NHS: variants seen among roughly 807,000 people sequenced by gnomAD.
NHS encodes the protein NHS actin remodeling regulator, also known as actin remodeling regulator NHS.
Under a neutral mutation model 72.5 loss-of-function variants are expected in NHS, and 5 were observed. The observed-to-expected ratio is 0.07, with a 90% CI of 0.04 to 0.14. The LOEUF is 0.14. Ranked by LOEUF, NHS falls within the 10% of genes least tolerant of loss-of-function variation. The pLI, the probability that NHS is intolerant of heterozygous loss-of-function variation, is 1.00. For synonymous variants in NHS, 464 were observed against 547.7 expected, an observed-to-expected ratio of 0.85 and a Z score of 2.13; for missense variants, 1,072 against 1,355.7, an observed-to-expected ratio of 0.79 and a Z score of 3.29.
chrX:17,622,636 G>A (rs940337990), intron 1 of NHS, among the ~76,000 whole-genome samples: 14 of 112,115 alleles, frequency 1.2e-4, no homozygotes, highest in Non-Finnish European at 1.1e-4. Context: ...GATAGCCTCC[G>A]GGCTGTTGGG....
At chrX:17,622,216 C>A (rs2065777541) in intron 1 of NHS, among the ~76,000 whole-genome samples, 1 of 112,119 alleles carries the variant, frequency 8.9e-6, no homozygotes, top group Non-Finnish European at 1.9e-5. Context: ...AACCCCCTTG[C>A]TTTTCAAATT....
intron 1 of NHS, among the ~76,000 whole-genome samples, chrX:17,638,739 T>C (rs929322587): frequency 7.1e-5 from 8 of 112,463 alleles, no homozygotes; most frequent in African/African-American, 2.6e-4. Context: ...CTTAGCATGG[T>C]GCACCTAGTA....
At chrX:17,591,013 G>A (rs189989223) in intron 1 of NHS, among the ~76,000 whole-genome samples, 52 of 112,166 alleles carry the variant, frequency 4.6e-4, no homozygotes, top group African/African-American at 1.6e-3. Flanking sequence ...TGAGTACTGT[G>A]TTCCATATAG....
Position 17,375,693 on chromosome X carries a change from C to T in NHS, c.-65C>T. ...TGCCCCCTCCCTGCTCAGGTGGGCG[C>T]GCCCGGTCTCCAGCTCACAGGGGCG... On this transcript the variant is annotated 5_prime_UTR_variant, in exon 1 of 9. Transcript: ENST00000676302. 1 of 1,123,321 alleles carries T rather than the reference C, an allele frequency of 8.9e-7. No individual in the cohort carries two copies. The highest frequency in any genetic ancestry group is 1.2e-6 in the Non-Finnish European group (1 of 845,841). 92.6% of individuals were successfully genotyped at this position (1,123,321 alleles called of 1,213,427 possible). A position where few individuals can be genotyped will look rare whatever the true frequency, so the allele number is the denominator to read the frequency against.
chrX:17,423,244 C>T (rs2146867823), intron 1 of NHS, among the ~76,000 whole-genome samples: 1 of 112,238 alleles, frequency 8.9e-6, no homozygotes, highest in Admixed American at 9.4e-5. Context: ...TTGTTTAGAA[C>T]CTGCCTTGGT....
At chrX:17,465,475 T>G (rs977057048) in intron 1 of NHS, among the ~76,000 whole-genome samples, 1 of 111,154 alleles carries the variant, frequency 9.0e-6, no homozygotes, top group African/African-American at 3.3e-5. Context: ...GAGGTTGTTC[T>G]TTGTTAATAT....
intron 1 of NHS, among the ~76,000 whole-genome samples, chrX:17,410,484 AC>A (rs1222757233): frequency 9.4e-6 from 1 of 106,925 alleles, no homozygotes; most frequent in Non-Finnish European, 1.9e-5. Context: ...TGGAAAGGAA[AC>A]CAGATTGACC....
chrX:17,572,321 A>G (rs1381058397), intron 1 of NHS, among the ~76,000 whole-genome samples: 1 of 108,943 alleles, frequency 9.2e-6, no homozygotes, highest in Non-Finnish European at 1.9e-5. Flanking sequence ...GTAGATCTCT[A>G]AGGACTTGCT....
chrX:17,449,130 C>A (rs746288542), intron 1 of NHS, among the ~76,000 whole-genome samples: 8 of 112,980 alleles, frequency 7.1e-5, no homozygotes, highest in Non-Finnish European at 1.1e-4. Flanking sequence ...CTAACTTGCC[C>A]ACTCAACTGA....
chrX:17,585,537 T>A (rs988627006), intron 1 of NHS, among the ~76,000 whole-genome samples: 1 of 110,050 alleles, frequency 9.1e-6, no homozygotes, highest in African/African-American at 3.3e-5. Flanking sequence ...TGGGATCCAG[T>A]GTGGTTAGAT....
chrX:17,647,980 C>CT (rs5901622), intron 1 of NHS, among the ~76,000 whole-genome samples: 97 of 104,767 alleles, frequency 9.3e-4, no homozygotes, highest in Admixed American at 1.3e-3. Flanking sequence ...AAGGATTTAC[C>CT]TTTTTTTTTT....
intron 1 of NHS, among the ~76,000 whole-genome samples, chrX:17,538,419 G>C (rs774207569): frequency 1.8e-5 from 2 of 111,899 alleles, no homozygotes; most frequent in East Asian, 2.8e-4. Context: ...GTGCACTAAA[G>C]AGTAGGCTCC....
chrX:17,379,502 C>T (rs1282567805), intron 1 of NHS, among the ~76,000 whole-genome samples: 6 of 112,308 alleles, frequency 5.3e-5, no homozygotes, highest in African/African-American at 9.7e-5. Flanking sequence ...TGGCTGGGCA[C>T]GGTGGCTCAC....
At chrX:17,485,931 G>A (rs1601727724) in intron 1 of NHS, among the ~76,000 whole-genome samples, 1 of 111,855 alleles carries the variant, frequency 8.9e-6, no homozygotes, top group South Asian at 3.7e-4. Flanking sequence ...AGACTTTGGT[G>A]GATTCCAGTG....
At chrX:17,382,205 T>G (rs1484112710) in intron 1 of NHS, among the ~76,000 whole-genome samples, 2 of 111,932 alleles carry the variant, frequency 1.8e-5, no homozygotes, top group Non-Finnish European at 3.8e-5. Context: ...GTATACAAAT[T>G]ATTTCATCGC....
intron 1 of NHS, among the ~76,000 whole-genome samples, chrX:17,546,472 A>G (rs1199015447): frequency 8.9e-6 from 1 of 112,514 alleles, no homozygotes; most frequent in Non-Finnish European, 1.9e-5. Context: ...TGTTTTGGCT[A>G]CATGGTGCAA....
chrX:17,635,711 T>A, intron 1 of NHS: 1 of 797,340 alleles, frequency 1.3e-6, no homozygotes, highest in Non-Finnish European at 1.8e-6. Flanking sequence ...AGAAGATAAC[T>A]ATGTTTCCCA....
chrX:17,383,204 C>G lies in NHS; in HGVS notation c.565+6882C>G, dbSNP rs753019025. Among the ~76,000 whole-genome samples the G allele has an allele frequency of 8.0e-5, 9 of 112,039 alleles. No individual in the cohort carries two copies. In the East Asian group the frequency reaches 2.5e-3, roughly 31 times the overall value. On this transcript the variant is annotated intron_variant, in intron 1 of 8. Coordinates refer to ENST00000676302, the MANE Select transcript of NHS (RefSeq NM_001291867.2). ...CTACTTGCACTCAAACCTGTACTTG[C>G]AGTCATAGGGTCTACTTATGGGGGA... is the stretch of plus-strand genomic sequence containing the variant.
intron 3 of NHS, among the ~76,000 whole-genome samples, chrX:17,718,791 AGAAG>A (rs1447749666): frequency 1.3e-5 from 1 of 79,992 alleles, no homozygotes; most frequent in Non-Finnish European, 2.5e-5. Flanking sequence ...AAGGAGGGAA[AGAAG>A]GAAGGAAGGG....
Sources: allele counts gnomAD v4.1 joint callset (sites outside exome capture counted in the v4.1 genomes callset), GRCh38; gene constraint gnomAD v4.1.1; transcripts MANE v1.5; gene names NCBI Gene and HGNC (gene_info 2026-07-23, HGNC 2026-07-21).